The following CTR9 variants were observed in gnomAD, a reference collection of about 807,000 sequenced individuals.
The protein encoded by CTR9 is CTR9 component of Paf1/RNA polymerase II complex, also known as RNA polymerase-associated protein CTR9 homolog.
A neutral mutation model predicts 152.1 loss-of-function variants in CTR9; 41 were observed. The observed-to-expected ratio is 0.27, with a 90% confidence interval of 0.21 to 0.35. The LOEUF is 0.35. Ranked by LOEUF, CTR9 falls within the 10% of genes least tolerant of loss-of-function variation. The probability of loss-of-function intolerance (pLI) is 1.00; values close to 1 mark genes in which losing one functional copy is unlikely to be tolerated. For missense variants in CTR9, 917 were observed against 1,424.4 expected (o/e 0.64, Z 5.73); for synonymous variants, 476 against 496.2 (o/e 0.96, Z 0.54).
intron 5 of CTR9, among the ~76,000 whole-genome samples, chr11:10,759,726 G>C (rs1808521772): frequency 6.6e-6 from 1 of 152,190 alleles, no homozygotes; most frequent in South Asian, 2.1e-4. Flanking sequence ...CTTTAGATGG[G>C]AACTTGTTTG....
intron 9 of CTR9, 33 bp downstream of exon 9, chr11:10,763,912 C>T: frequency 6.6e-7 from 1 of 1,512,724 alleles, no homozygotes; most frequent in Non-Finnish European, 9.0e-7. Context: ...TAGCTGTTTT[C>T]TGTTAGCTGT....
intron 5 of CTR9, among the ~76,000 whole-genome samples, chr11:10,759,606 A>G (rs867364967): frequency 6.6e-6 from 1 of 152,220 alleles, no homozygotes; most frequent in Non-Finnish European, 1.5e-5. Flanking sequence ...CAGAACGTTT[A>G]TGTGTAGATG....
chr11:10,751,408 C>A lies in CTR9; in HGVS notation c.-5C>A. Reference sequence around the variant, plus strand: ...CGAGACACTTGCTCGCCTTTTGACCCCATCATGTCGCGGGGCTCCATCGAG... The same window carrying A: ...CGAGACACTTGCTCGCCTTTTGACCACATCATGTCGCGGGGCTCCATCGAG... On this transcript the variant is annotated 5_prime_UTR_variant, in exon 1 of 25. Coordinates refer to ENST00000361367, the MANE Select transcript of CTR9 (RefSeq NM_014633.5). The A allele has an allele frequency of 6.2e-7, 1 of 1,613,264 alleles. No homozygotes were observed. Among genetic ancestry groups the A allele is most frequent in the Non-Finnish European group, 8.5e-7 (1 of 1,180,006 alleles).
Position 10,767,196 on chromosome 11 carries a change from T to A in CTR9, c.1687-610T>A, listed in dbSNP as rs1017421901. 6.5e-6 allele frequency: 1 copy of A among 152,808 alleles called. No individual in the cohort carries two copies. Among genetic ancestry groups the A allele is most frequent in the African/African-American group, 2.4e-5 (1 of 41,466 alleles). 9.5% of individuals were successfully genotyped at this position (152,808 alleles called of 1,614,324 possible). A position where few individuals can be genotyped will look rare whatever the true frequency, so the allele number is the denominator to read the frequency against. Reference sequence around the variant, plus strand: ...AATTTTTTAATGATTTAACAATTTTTGTAAATCATTTTCAGGCTTCTGCAG... The same window carrying A: ...AATTTTTTAATGATTTAACAATTTTAGTAAATCATTTTCAGGCTTCTGCAG... On this transcript the variant is annotated intron_variant, in intron 13 of 24. Coordinates refer to ENST00000361367, the MANE Select transcript of CTR9 (RefSeq NM_014633.5). The surrounding 1 kb of genome is among the most constrained non-coding windows in gnomAD (Gnocchi z 4.0).
At chr11:10,776,123 T>C (rs1447952361) in intron 24 of CTR9, among the ~76,000 whole-genome samples, 2 of 152,200 alleles carry the variant, frequency 1.3e-5, no homozygotes, top group Non-Finnish European at 2.9e-5. Context: ...GTTTCGCTCT[T>C]GTTGCCCAGG....
At chr11:10,764,281 C>T (rs1863024935) in intron 10 of CTR9, 27 bp from the exon 11 acceptor site, 2 of 1,613,544 alleles carry the variant, frequency 1.2e-6, no homozygotes, top group African/African-American at 2.7e-5. Flanking sequence ...CCACTTACAC[C>T]TTTTTCTGTC....
At chr11:10,775,353 T>C (rs760460456) in intron 23 of CTR9, 50 bp downstream of exon 23, 11 of 1,501,478 alleles carry the variant, frequency 7.3e-6, no homozygotes, top group Non-Finnish European at 9.2e-7. Context: ...TGTGAAAGAT[T>C]GCAGTACACT....
chr11:10,773,989 C>G (rs569030567), intron 21 of CTR9, 23 bp from the exon 22 acceptor site: 1 of 1,580,644 alleles, frequency 6.3e-7, no homozygotes, highest in African/African-American at 1.4e-5. Flanking sequence ...AAATAACTGA[C>G]TATAGTGTTG....
In CTR9 at chr11:10,774,020, G is replaced by A. The variant is rs1863189290; in HGVS notation, c.2736G>A (p.Lys912=). 4 of 1,609,792 alleles carry A rather than the reference G, an allele frequency of 2.5e-6. No homozygotes were observed. In the South Asian group the frequency reaches 3.3e-5, roughly 13 times the overall value. The change falls in exon 22 of 25, where the codon AAG becomes AAA. Residue 912 remains lysine, a synonymous_variant. Transcript: ENST00000361367. ...KRGGGGGRRS[K]KGGEFDEFVN... is the part of the protein sequence containing the mutation. The stretch of plus-strand genomic sequence containing the variant: ...TGTTGTTTGGATTTTAGCGTTCTAA[G>A]AAGGGAGGAGAGTTTGATGAATTTG...
At chr11:10,756,392 C>G (rs1190265991) in intron 4 of CTR9, among the ~76,000 whole-genome samples, 1 of 152,036 alleles carries the variant, frequency 6.6e-6, no homozygotes, top group African/African-American at 2.4e-5. Flanking sequence ...TTTCCTGATC[C>G]TCTTCCTCCT....
Position 10,764,369 on chromosome 11 carries a change from T to A in CTR9, c.1346T>A (p.Val449Asp). Residue 449 changes from valine to aspartate, a missense_variant, in exon 11 of 25, where the codon GTT becomes GAT. By Grantham distance (152) the Val-to-Asp change is radical. Around this residue, in one of 9 missense-constraint regions of CTR9, gnomAD observed 133 missense variants for 244.1 expected, o/e 0.54. Transcript: ENST00000361367. ...CTTCAGGAGAAAGTGCAGGCCGATG[T>A]TCCTCCAGAGATTCTCAATAATGTG... is the stretch of plus-strand genomic sequence containing the variant. Reference protein sequence around the residue: ...RILQEKVQADVPPEILNNVGA... With the variant: ...RILQEKVQADDPPEILNNVGA... 1 of 1,614,144 alleles carries A rather than the reference T, an allele frequency of 6.2e-7. No individual in the cohort carries two copies. The highest frequency in any genetic ancestry group is 8.5e-7 in the Non-Finnish European group (1 of 1,179,986).
chr11:10,765,092 G>T (rs961806395), intron 12 of CTR9, among the ~76,000 whole-genome samples: 2 of 152,140 alleles, frequency 1.3e-5, no homozygotes, highest in African/African-American at 4.8e-5. Flanking sequence ...TAGTGAGGAA[G>T]AAAAGTGCTT....
intron 12 of CTR9, 56 bp downstream of exon 12, chr11:10,764,787 C>T: frequency 7.0e-7 from 1 of 1,428,228 alleles, no homozygotes; most frequent in Non-Finnish European, 9.4e-7. Flanking sequence ...ACAAGAGCAG[C>T]AAAAATTTAG....
Position 10,779,293 on chromosome 11 carries a change from TCG to T in CTR9, c.*189_*190del. On this transcript the variant is annotated 3_prime_UTR_variant, in exon 25 of 25. Coordinates refer to ENST00000361367, the MANE Select transcript of CTR9 (RefSeq NM_014633.5). ...TGCTAGAGTCCAATATTTGAGTCTCTCGTGCAAATGAGACTATTCTTTGTGGT... is the reference window on the plus strand; with the variant it reads ...TGCTAGAGTCCAATATTTGAGTCTCTTGCAAATGAGACTATTCTTTGTGGT... 1 of 587,852 alleles carries T rather than the reference TCG, an allele frequency of 1.7e-6. No homozygotes were observed. Among genetic ancestry groups the T allele is most frequent in the Non-Finnish European group, 3.0e-6 (1 of 338,652 alleles). The allele number at this position is 587,852 out of a possible 1,614,324, so 36.4% of individuals were successfully genotyped here.
chr11:10,772,211 C>T (rs1863153516), intron 19 of CTR9, among the ~76,000 whole-genome samples: 3 of 151,838 alleles, frequency 2.0e-5, no homozygotes, highest in African/African-American at 4.8e-5. Context: ...CAAAATTAGC[C>T]AGGTATGGTG....
chr11:10,778,566 A>T, intron 24 of CTR9, 113 bp from the exon 25 acceptor site: 2 of 926,076 alleles, frequency 2.2e-6, no homozygotes, highest in South Asian at 1.7e-5. Context: ...ACCACTATTT[A>T]GGTCAAGAAA....
At position 10,774,073 on chromosome 11, in the gene CTR9, C is replaced by T. The variant is rs1863190108; in HGVS notation, c.2789C>T (p.Pro930Leu). The change falls in exon 22 of 25, where the codon CCT becomes CTT. Residue 930 changes from proline (P) to leucine (L), a missense_variant. Coordinates refer to ENST00000361367, the MANE Select transcript of CTR9 (RefSeq NM_014633.5). ...AATGATGACACTGATGATGACCTACCTATATCCAAAAAGAAGAAGAGAAGA... is the reference window on the plus strand; with the variant it reads ...AATGATGACACTGATGATGACCTACTTATATCCAAAAAGAAGAAGAGAAGA... ...FVNDDTDDDL[P>L]ISKKKKRRKG... The T allele has an allele frequency of 3.1e-6, 5 of 1,612,558 alleles. No individual in the cohort carries two copies. Among genetic ancestry groups the T allele is most frequent in the Non-Finnish European group, 4.2e-6 (5 of 1,178,904 alleles).
chr11:10,760,354 C>A, intron 6 of CTR9, 33 bp downstream of exon 6: 1 of 1,596,024 alleles, frequency 6.3e-7, no homozygotes, highest in Non-Finnish European at 8.6e-7. Context: ...TAGCTCCTAA[C>A]TGCTTTGTCA....
At chr11:10,765,820 A>G (rs1863050727) in intron 12 of CTR9, among the ~76,000 whole-genome samples, 5 of 152,220 alleles carry the variant, frequency 3.3e-5, no homozygotes, top group African/African-American at 1.2e-4. Flanking sequence ...AGTGATTTAA[A>G]ATAAGCAAGA....
Sources: gnomAD v4.1 joint callset for allele counts (sites outside exome capture counted in the v4.1 genomes callset) on GRCh38, gnomAD v4.1.1 for gene constraint, gnomAD v4.1.1 regional missense constraint, Gnocchi (gnomAD v3.1) non-coding constraint, MANE v1.5 for transcripts, NCBI Gene and HGNC (gene_info 2026-07-23, HGNC 2026-07-21) for gene names.